TTN: variants seen among roughly 807,000 people sequenced by gnomAD.
TTN encodes the protein titin, also known as connectin.
A neutral mutation model predicts 3,223.0 loss-of-function variants in TTN; 1,525 were observed. That is an observed-to-expected ratio of 0.47 (90% CI 0.45 to 0.49). The LOEUF is 0.49. TTN is among the 20% of genes least tolerant of loss of function. The pLI, the probability that TTN is intolerant of heterozygous loss-of-function variation, is 0.00. For synonymous variants in TTN, 14,094 were observed against 15,161.0 expected (o/e 0.93, Z 5.17); for missense variants, 40,786 against 43,424.0 (o/e 0.94, Z 5.40).
At chr2:178,599,923 T>G (rs1248891094) in intron 288 of TTN, 73 bp from the exon 289 acceptor site, 12 of 1,421,274 alleles carry the variant, frequency 8.4e-6, no homozygotes, top group Non-Finnish European at 1.1e-5. Context: ...TCACAGTTAC[T>G]ATAAAGTTGT....
Position 178,800,636 on chromosome 2 carries a change from G to A in TTN, c.342C>T (p.Thr114=), listed in dbSNP as rs758521732. Residue 114 remains threonine, a synonymous_variant, in exon 4 of 363, where the codon ACC becomes ACT. Transcript: ENST00000589042. ...GTCTCACTTGGCTTCCTTGTCTCAC[G>A]GTCATGCTCTGCAGTCGTTGAACGA... is the stretch of plus-strand genomic sequence containing the variant. ...PNFVQRLQSM[T]VRQGSQVRLQ... 1.1e-5 allele frequency: 18 copies of A among 1,611,810 alleles called. No homozygotes were observed. In the South Asian group the frequency reaches 1.5e-4, roughly 14 times the overall value.
In TTN at chr2:178,554,680, C is replaced by T. The variant is rs1207034709; in HGVS notation, c.88667G>A (p.Arg29556Gln). Residue 29556 changes from arginine (R) to glutamine (Q), a missense_variant, in exon 332 of 363, where the codon CGG becomes CAG. Coordinates refer to ENST00000589042, the MANE Select transcript of TTN (RefSeq NM_001267550.2). ...TGCACCACCATCATCAGCTGGAGGC[C>T]GCCAGAGAAGGGTGATCTTCTCAGC... ...VTAEKITLLWRPPADDGGAKI... is the reference protein window; with the variant it reads ...VTAEKITLLWQPPADDGGAKI... 17 of 1,613,792 alleles carry T rather than the reference C, an allele frequency of 1.1e-5. No individual in the cohort carries two copies. Among genetic ancestry groups the T allele is most frequent in the Middle Eastern group, 1.6e-4 (1 of 6,082 alleles).
Position 178,534,474 on chromosome 2 carries a change from C to G in TTN, c.102141G>C (p.Met34047Ile). The stretch of plus-strand genomic sequence containing the variant: ...TCACTAACAACCGGTCAACAAAATC[C>G]ATGGCTTCAATGCTAATCTCTTTGA... Reference protein sequence around the residue: ...EAFKEISIEAMDFVDRLLVKE... With the variant: ...EAFKEISIEAIDFVDRLLVKE... The change falls in exon 358 of 363, where the codon ATG becomes ATC. Residue 34047 changes from methionine (M) to isoleucine (I), a missense_variant. Met to Ile is a conservative substitution (Grantham distance 10). Coordinates refer to ENST00000589042, the MANE Select transcript of TTN (RefSeq NM_001267550.2). The G allele has an allele frequency of 6.2e-7, 1 of 1,613,608 alleles. No individual in the cohort carries two copies. Among genetic ancestry groups the G allele is most frequent in the Non-Finnish European group, 8.5e-7 (1 of 1,179,822 alleles).
In TTN at chr2:178,574,016, A is replaced by C; in HGVS notation, c.72116T>G (p.Val24039Gly). Residue 24039 changes from valine to glycine, a missense_variant, in exon 326 of 363, where the codon GTT (valine) becomes GGT (glycine). Physicochemically the swap from Val to Gly is moderately radical, Grantham distance 109. Coordinates refer to ENST00000589042, the MANE Select transcript of TTN (RefSeq NM_001267550.2). ...GAATGCTTCACCTGCTTTTAATATAACCGTGTCCTTAAATTTAACATCCAC... is the reference window on the plus strand; with the variant it reads ...GAATGCTTCACCTGCTTTTAATATACCCGTGTCCTTAAATTTAACATCCAC... ...IKVDVKFKDT[V>G]ILKAGEAFRL... 1.9e-6 allele frequency: 3 copies of C among 1,613,358 alleles called. No individual in the cohort carries two copies. The highest frequency in any genetic ancestry group is 2.5e-6 in the Non-Finnish European group (3 of 1,179,600).
Position 178,580,092 on chromosome 2 carries a change from T to C in TTN, c.67195A>G (p.Lys22399Glu), listed in dbSNP as rs1060500421. 1 of 1,613,384 alleles carries C rather than the reference T, an allele frequency of 6.2e-7. No homozygotes were observed. The highest frequency in any genetic ancestry group is 1.7e-5 in the Admixed American group (1 of 59,982). ...TCAGTTGTCACTGTAGACCAGGATTTCCTCTCTGCATCACGTTTTTGTACC... is the reference window on the plus strand; with the variant it reads ...TCAGTTGTCACTGTAGACCAGGATTCCCTCTCTGCATCACGTTTTTGTACC... Reference protein sequence around the residue: ...YVVQKRDAERKSWSTVTTECS... With the variant: ...YVVQKRDAERESWSTVTTECS... The change falls in exon 318 of 363, where the codon AAA becomes GAA. Residue 22399 changes from lysine to glutamate, a missense_variant. By Grantham distance (56) the Lys-to-Glu change is moderately conservative (BLOSUM62 1). Transcript: ENST00000589042.
chr2:178,723,374 G>A (rs375805890), intron 74 of TTN, 44 bp downstream of exon 74: 6 of 1,603,960 alleles, frequency 3.7e-6, no homozygotes, highest in African/African-American at 1.3e-5. Flanking sequence ...ACACAAGGAT[G>A]TCGGTATACA....
In TTN at chr2:178,589,815, T is replaced by A; in HGVS notation, c.61910A>T (p.Glu20637Val). 1 of 1,613,560 alleles carries A rather than the reference T, an allele frequency of 6.2e-7. No homozygotes were observed. The highest frequency in any genetic ancestry group is 8.5e-7 in the Non-Finnish European group (1 of 1,179,604). The change falls in exon 304 of 363, where the codon GAA (glutamate) becomes GTA (valine). Residue 20637 changes from glutamate (E) to valine (V), a missense_variant. By Grantham distance (121) the Glu-to-Val change is moderately radical. Coordinates refer to ENST00000589042, the MANE Select transcript of TTN (RefSeq NM_001267550.2). ...LIKANLLANN[E>V]YYFRVCAENK... ...CTCTGCACAAACTCGGAAATAGTAT[T>A]CATTGTTGGCTAAAAGGTTGGCCTT...
At chr2:178,725,702 G>A (rs943124872) in intron 70 of TTN, 53 bp from the exon 71 acceptor site, 53 of 1,549,898 alleles carry the variant, frequency 3.4e-5, no homozygotes, top group Middle Eastern at 3.5e-4. Flanking sequence ...CAGATCATGC[G>A]AGAGTGAAAA....
intron 47 of TTN, among the ~76,000 whole-genome samples, chr2:178,743,302 A>T (rs935578128): frequency 6.6e-6 from 1 of 152,034 alleles, no homozygotes; most frequent in African/African-American, 2.4e-5. Context: ...TCTAAACTCA[A>T]CTATGTGCAA....
chr2:178,532,503 C>A lies in TTN; in HGVS notation c.104112G>T (p.Glu34704Asp). 1 of 1,613,978 alleles carries A rather than the reference C, an allele frequency of 6.2e-7. No homozygotes were observed. Among genetic ancestry groups the A allele is most frequent in the Admixed American group, 1.7e-5 (1 of 60,020 alleles). The change falls in exon 358 of 363, where the codon GAG (glutamate) becomes GAT (aspartate). Residue 34704 changes from glutamate to aspartate, a missense_variant. Physicochemically the swap from Glu to Asp is conservative, Grantham distance 45. Transcript: ENST00000589042. ...SPPSRSPPHF[E>D]LSSLRYSSPQ... ...GTGAAGAGTAACGTAGGCTAGAAAGCTCAAAGTGTGGAGGGCTTCGACTTG... is the reference window on the plus strand; with the variant it reads ...GTGAAGAGTAACGTAGGCTAGAAAGATCAAAGTGTGGAGGGCTTCGACTTG...
intron 35 of TTN, 31 bp from the exon 36 acceptor site, chr2:178,770,351 A>G: frequency 6.2e-7 from 1 of 1,614,180 alleles, no homozygotes. Context: ...ATTCAGTGAT[A>G]GGGTTAACTT....
rs865925187 is a variant in TTN at position 178,635,245 on chromosome 2, C to A, written c.41944G>T (p.Ala13982Ser). Residue 13982 changes from alanine to serine, a missense_variant, in exon 228 of 363, where the codon GCA (alanine) becomes TCA (serine). Transcript: ENST00000589042. The part of the protein sequence containing the change: ...EDVTIYEKES[A>S]SFDAEISEAD... ...TCTGAGATTTCTGCATCAAAGCTTG[C>A]ACTTTCTTTCTCATAAATGGTAACG... 3 of 1,613,306 alleles carry A rather than the reference C, an allele frequency of 1.9e-6. No individual in the cohort carries two copies. In the Middle Eastern group the frequency reaches 5.0e-4, roughly 267 times the overall value.
At chr2:178,778,697 G>T in intron 24 of TTN, 177 bp downstream of exon 24, 1 of 810,072 alleles carries the variant, frequency 1.2e-6, no homozygotes, top group Non-Finnish European at 2.0e-6. Flanking sequence ...AAAATTCTTT[G>T]CTCATCTTAC....
At chr2:178,596,760 A>G (rs1251299826) in intron 294 of TTN, among the ~76,000 whole-genome samples, 1 of 152,064 alleles carries the variant, frequency 6.6e-6, no homozygotes, top group Non-Finnish European at 1.5e-5. Flanking sequence ...CAATTTTCAC[A>G]TAAAAACTGT....
chr2:178,634,115 A>G lies in TTN; in HGVS notation c.42416-32T>C. 6.2e-7 allele frequency: 1 copy of G among 1,608,204 alleles called. No homozygotes were observed. The highest frequency in any genetic ancestry group is 8.5e-7 in the Non-Finnish European group (1 of 1,178,610). On this transcript the variant is annotated intron_variant, in intron 230 of 362. Coordinates refer to ENST00000589042, the MANE Select transcript of TTN (RefSeq NM_001267550.2). This position sits in a 1 kb window ranked among gnomAD's most constrained non-coding sequence, Gnocchi z 4.6. ...TGCAAGCATAGATAATGCCTCAGAA[A>G]CACAATTCACCTTCAGAAAGATTCC...
Position 178,719,313 on chromosome 2 carries a change from A to C in TTN, c.24077T>G (p.Val8026Gly). 1 of 1,613,746 alleles carries C rather than the reference A, an allele frequency of 6.2e-7. No homozygotes were observed. Among genetic ancestry groups the C allele is most frequent in the Non-Finnish European group, 8.5e-7 (1 of 1,179,750 alleles). ...VGWFQDGNEI[V>G]SGPKCQSSFS... ...GCTGGACTGACATTTGGGCCCACTAACAATCTCATTTCCATCCTGAAACCA... is the reference window on the plus strand; with the variant it reads ...GCTGGACTGACATTTGGGCCCACTACCAATCTCATTTCCATCCTGAAACCA... Residue 8026 changes from valine (V) to glycine (G), a missense_variant, in exon 83 of 363, where the codon GTT becomes GGT. Val to Gly is a moderately radical substitution (Grantham distance 109, BLOSUM62 -3). Coordinates refer to ENST00000589042, the MANE Select transcript of TTN (RefSeq NM_001267550.2).
chr2:178,554,602 G>C lies in TTN; in HGVS notation c.88745C>G (p.Ser29582Cys). Residue 29582 changes from serine to cysteine, a missense_variant, in exon 332 of 363, where the codon TCT becomes TGT. Coordinates refer to ENST00000589042, the MANE Select transcript of TTN (RefSeq NM_001267550.2). ...EKRETSRVVW[S>C]MVSEHLEECI... Reference sequence around the variant, plus strand: ...CTCTTCCAAATGTTCAGACACCATAGACCACACAACGCGGCTTGTCTCACG... The same window carrying C: ...CTCTTCCAAATGTTCAGACACCATACACCACACAACGCGGCTTGTCTCACG... 1 of 1,613,862 alleles carries C rather than the reference G, an allele frequency of 6.2e-7. No individual in the cohort carries two copies. The highest frequency in any genetic ancestry group is 8.5e-7 in the Non-Finnish European group (1 of 1,179,838).
In TTN at chr2:178,609,373, GTTC is replaced by G. The variant is rs780745206; in HGVS notation, c.51934_51936del (p.Glu17312del). Reference sequence around the variant, plus strand: ...CGCTGTGTCAGAGGCAGGACAAATGGTTCTTCTTCTTGAACTTCACCCTTCCTT... The same window carrying G: ...CGCTGTGTCAGAGGCAGGACAAATGGTTCTTCTTGAACTTCACCCTTCCTT... On this transcript the variant is annotated inframe_deletion, in exon 273 of 363. Transcript: ENST00000589042. The G allele has an allele frequency of 3.4e-5, 55 of 1,612,134 alleles. No homozygotes were observed. In the East Asian group the frequency reaches 7.0e-4, roughly 20 times the overall value.
intron 321 of TTN, 91 bp from the exon 322 acceptor site, chr2:178,578,276 A>G: frequency 1.8e-6 from 2 of 1,139,022 alleles, no homozygotes; most frequent in Non-Finnish European, 2.5e-6. Context: ...ATATCCATAT[A>G]TATTGAACAA....
Sources: allele counts gnomAD v4.1 joint callset (sites outside exome capture counted in the v4.1 genomes callset), GRCh38; gene constraint gnomAD v4.1.1; non-coding constraint Gnocchi (gnomAD v3.1); transcripts MANE v1.5; gene names NCBI Gene and HGNC (gene_info 2026-07-23, HGNC 2026-07-21).